The following CASZ1 variants were observed in gnomAD, a reference collection of about 807,000 sequenced individuals.
The protein encoded by CASZ1 is zinc finger protein castor homolog 1.
In CASZ1, 28 loss-of-function variants were observed where a neutral mutation model predicts 135.2. The observed-to-expected ratio is 0.21, with a 90% CI of 0.15 to 0.28. The LOEUF is 0.28. Ranked by LOEUF, CASZ1 falls within the 10% of genes least tolerant of loss-of-function variation. CASZ1 has a pLI of 1.00. For synonymous variants in CASZ1, 1,068 were observed against 1,073.4 expected (o/e 0.99, Z 0.10); for missense variants, 2,161 against 2,453.3 (o/e 0.88, Z 2.52).
chr1:10,788,233 A>G lies in CASZ1; in HGVS notation c.-234+8331T>C, dbSNP rs1273316470. 6.6e-6 allele frequency among the ~76,000 whole-genome samples: 1 copy of G among 152,152 alleles called. No individual in the cohort carries two copies. The highest frequency in any genetic ancestry group is 1.9e-4 in the East Asian group (1 of 5,170). ...TGGTGAGGGGCATCGCTACCTGAGCAGGTGGGGTTCCTCACAGAGCAACCT... is the reference window on the plus strand; with the variant it reads ...TGGTGAGGGGCATCGCTACCTGAGCGGGTGGGGTTCCTCACAGAGCAACCT... On this transcript the variant is annotated intron_variant, in intron 1 of 20. Transcript: ENST00000377022. This position sits in a 1 kb window ranked among gnomAD's most constrained non-coding sequence, Gnocchi z 4.1.
rs533456895 is a variant in CASZ1, at chr1:10,657,796, G to C, written c.1409+712C>G. ...TGCCCCATCAGAGGGCAGGCGGTGG[G>C]GGGGTGGGGGCGGGGGGTGTTATTT... is the stretch of plus-strand genomic sequence containing the variant. On this transcript the variant is annotated intron_variant, in intron 7 of 20. Coordinates refer to ENST00000377022, the MANE Select transcript of CASZ1 (RefSeq NM_001079843.3). The surrounding 1 kb of genome is among the most constrained non-coding windows in gnomAD (Gnocchi z 5.7). Among the ~76,000 whole-genome samples, 7 of 151,104 alleles carry C rather than the reference G, an allele frequency of 4.6e-5. No homozygotes were observed. Among genetic ancestry groups the C allele is most frequent in the Non-Finnish European group, 1.0e-4 (7 of 67,722 alleles).
intron 1 of CASZ1, among the ~76,000 whole-genome samples, chr1:10,781,241 C>A (rs144032069): frequency 6.6e-6 from 1 of 152,306 alleles, no homozygotes; most frequent in Non-Finnish European, 1.5e-5. Context: ...CCCCTCCAGG[C>A]AGCACACAGG....
rs1640564948 is a variant in CASZ1, at chr1:10,770,932, C to T, written c.-233-10075G>A. On this transcript the variant is annotated intron_variant, in intron 1 of 20. Transcript: ENST00000377022. The stretch of plus-strand genomic sequence containing the variant: ...GCCAGCAACCCAAGCCCCAGTCCCG[C>T]TGTCTGCCATGGCACGTGCAAGGAG... Among the ~76,000 whole-genome samples, 3 of 152,234 alleles carry T rather than the reference C, an allele frequency of 2.0e-5. No individual in the cohort carries two copies. The South Asian group carries it at 6.2e-4, about 32-fold the overall frequency.
At chr1:10,641,182 C>T (rs943486611) in intron 20 of CASZ1, among the ~76,000 whole-genome samples, 4 of 152,248 alleles carry the variant, frequency 2.6e-5, no homozygotes, top group Admixed American at 6.5e-5. Context: ...AGACTAAGGG[C>T]TGTGACGGTG....
chr1:10,650,876 A>G (rs1455378192), intron 12 of CASZ1, 65 bp downstream of exon 12: 5 of 1,603,806 alleles, frequency 3.1e-6, no homozygotes, highest in African/African-American at 1.3e-5. Flanking sequence ...GGGCGGGACC[A>G]CCCCGGGGCT....
intron 1 of CASZ1, among the ~76,000 whole-genome samples, chr1:10,796,151 C>T (rs921133456): frequency 6.6e-6 from 1 of 151,928 alleles, no homozygotes. Context: ...GGGGCGCCCC[C>T]ACCCTATTTG....
At chr1:10,649,677 C>T (rs563377408) in intron 13 of CASZ1, 129 of 491,014 alleles carry the variant, frequency 2.6e-4, no homozygotes, top group African/African-American at 1.5e-3. Flanking sequence ...CACATGAGCC[C>T]GTGCCGCGGG....
chr1:10,648,207 A>C, intron 15 of CASZ1, 68 bp from the exon 16 acceptor site: 1 of 1,158,860 alleles, frequency 8.6e-7, no homozygotes, highest in Non-Finnish European at 1.2e-6. Context: ...CATGCATGTG[A>C]CCCCATCACA....
intron 2 of CASZ1, among the ~76,000 whole-genome samples, chr1:10,754,661 G>T (rs1321791642): frequency 6.6e-6 from 1 of 152,182 alleles, no homozygotes; most frequent in Non-Finnish European, 1.5e-5. Flanking sequence ...CCATCTCTGT[G>T]TCACCAGACC....
chr1:10,671,743 G>A (rs539721867), intron 4 of CASZ1, among the ~76,000 whole-genome samples: 27 of 152,358 alleles, frequency 1.8e-4, no homozygotes, highest in African/African-American at 6.3e-4. Context: ...ATGTCACCTC[G>A]GGTCCTTACT....
chr1:10,672,930 T>G (rs1295995903), intron 4 of CASZ1, among the ~76,000 whole-genome samples: 4 of 152,312 alleles, frequency 2.6e-5, no homozygotes, highest in South Asian at 4.1e-4. Flanking sequence ...TTAGTGGTGT[T>G]TTTATTAGCG....
At position 10,711,870 on chromosome 1, in the gene CASZ1, C is replaced by T. The variant is rs1178908067; in HGVS notation, c.-76-6326G>A. ...TATGATTCCATTAATATGGAATATC[C>T]GGAACAGGCAAATCCACAGAGACAG... On this transcript the variant is annotated intron_variant, in intron 2 of 20. Transcript: ENST00000377022. This position sits in a 1 kb window ranked among gnomAD's most constrained non-coding sequence, Gnocchi z 4.4. 2.6e-5 allele frequency among the ~76,000 whole-genome samples: 4 copies of T among 152,086 alleles called. No individual in the cohort carries two copies. Among genetic ancestry groups the T allele is most frequent in the East Asian group, 3.8e-4 (2 of 5,198 alleles).
At position 10,709,663 on chromosome 1, in the gene CASZ1, A is replaced by C. The variant is rs1043917091; in HGVS notation, c.-76-4119T>G. On this transcript the variant is annotated intron_variant, in intron 2 of 20. Coordinates refer to ENST00000377022, the MANE Select transcript of CASZ1 (RefSeq NM_001079843.3). The surrounding 1 kb of genome is among the most constrained non-coding windows in gnomAD (Gnocchi z 5.1). Reference sequence around the variant, plus strand: ...GAGAGAGAGAAAGAGAGGAGAAAAGAAAGCGAATCAAAGTGCTGCCCGGAG... The same window carrying C: ...GAGAGAGAGAAAGAGAGGAGAAAAGCAAGCGAATCAAAGTGCTGCCCGGAG... Among the ~76,000 whole-genome samples, 2 of 152,176 alleles carry C rather than the reference A, an allele frequency of 1.3e-5. No individual in the cohort carries two copies. Among genetic ancestry groups the C allele is most frequent in the Non-Finnish European group, 2.9e-5 (2 of 68,022 alleles).
intron 1 of CASZ1, among the ~76,000 whole-genome samples, chr1:10,792,863 T>A (rs1027289282): frequency 3.6e-4 from 54 of 152,030 alleles, no homozygotes; most frequent in Middle Eastern, 3.4e-3. Flanking sequence ...CCCCAAAAAA[T>A]AAATAAATAA....
chr1:10,659,561 ACGCGCCTG>A, intron 6 of CASZ1, 133 bp downstream of exon 6: 16 of 664,546 alleles, frequency 2.4e-5, no homozygotes, highest in Admixed American at 1.3e-4. Flanking sequence ...CTGAGTGTGC[ACGCGCCTG>A]GATGCACAGT....
chr1:10,728,009 G>T (rs1639628720), intron 2 of CASZ1, among the ~76,000 whole-genome samples: 1 of 152,128 alleles, frequency 6.6e-6, no homozygotes, highest in Non-Finnish European at 1.5e-5. Context: ...AAGAACGAGG[G>T]GTCCTACCAC....
intron 3 of CASZ1, among the ~76,000 whole-genome samples, chr1:10,702,627 G>T (rs1164561553): frequency 6.6e-6 from 1 of 151,932 alleles, no homozygotes; most frequent in African/African-American, 2.4e-5. Flanking sequence ...CGCGGGGCTG[G>T]AGGCAGTGCT....
rs115112888 is a variant in CASZ1 at position 10,786,639 on chromosome 1, C to G, written c.-234+9925G>C. On this transcript the variant is annotated intron_variant, in intron 1 of 20. Coordinates refer to ENST00000377022, the MANE Select transcript of CASZ1 (RefSeq NM_001079843.3). ...GCCCCACGAGGTAGGTACTATTATG[C>G]CCATTTCATAGATGAGGCACCGGCC... Among the ~76,000 whole-genome samples the G allele has an allele frequency of 6.9e-3, 1,044 of 152,310 alleles. 14 individuals carry two copies. Among genetic ancestry groups the G allele is most frequent in the African/African-American group, 0.024 (1,004 of 41,556 alleles).
chr1:10,660,668 G>A (rs1642993809), intron 5 of CASZ1, 132 bp from the exon 6 acceptor site: 2 of 639,626 alleles, frequency 3.1e-6, no homozygotes, highest in South Asian at 1.9e-5. Flanking sequence ...ACGATCTATG[G>A]ACGTTTGGCT....
Sources: allele counts gnomAD v4.1 joint callset (sites outside exome capture counted in the v4.1 genomes callset), GRCh38; gene constraint gnomAD v4.1.1; non-coding constraint Gnocchi (gnomAD v3.1); transcripts MANE v1.5; gene names NCBI Gene and HGNC (gene_info 2026-07-23, HGNC 2026-07-21).